Variants in PACRG observed in about 807,000 individuals in gnomAD.
PACRG encodes parkin coregulated.
A neutral mutation model predicts 29.7 loss-of-function variants in PACRG; 29 were observed. The ratio of observed to expected loss-of-function variants is 0.98; its 90% CI spans 0.73 to 1.33. The LOEUF (loss-of-function observed/expected upper bound fraction) is 1.33, where lower values mean the gene tolerates loss of function less well. Among genes scored for constraint, PACRG ranks in the 40% most tolerant of loss-of-function variants. The pLI is 0.00. For synonymous variants in PACRG, 116 were observed against 118.7 expected (o/e 0.98, Z 0.15); for missense variants, 279 against 316.2 (o/e 0.88, Z 0.89).
intron 2 of PACRG, among the ~76,000 whole-genome samples, chr6:163,057,398 T>A (rs1358084937): frequency 6.6e-6 from 1 of 152,148 alleles, no homozygotes; most frequent in East Asian, 1.9e-4. Context: ...ATGGCAAGAA[T>A]AGTGATCAGC....
chr6:162,882,833 G>A (rs1250990666), intron 2 of PACRG, among the ~76,000 whole-genome samples: 4 of 152,236 alleles, frequency 2.6e-5, no homozygotes, highest in East Asian at 1.9e-4. Context: ...GCTCACTCGC[G>A]TCTTCCCCAC....
intron 1 of PACRG, among the ~76,000 whole-genome samples, chr6:162,785,685 T>C (rs1439665878): frequency 6.6e-6 from 1 of 152,224 alleles, no homozygotes; most frequent in Non-Finnish European, 1.5e-5. Flanking sequence ...ATCCCTTGCA[T>C]GTGCAGTTTA....
chr6:162,995,664 C>G (rs530873675), intron 2 of PACRG, among the ~76,000 whole-genome samples: 3 of 152,338 alleles, frequency 2.0e-5, no homozygotes, highest in Admixed American at 2.0e-4. Context: ...GAGATGAACC[C>G]GGTACCTCCG....
At chr6:163,280,936 C>CT (rs1784206076) in intron 4 of PACRG, among the ~76,000 whole-genome samples, 1 of 152,066 alleles carries the variant, frequency 6.6e-6, no homozygotes, top group Non-Finnish European at 1.5e-5. Context: ...CAACTTATGG[C>CT]AGGAAATGAT....
At chr6:163,278,506 T>C (rs1459310618) in intron 4 of PACRG, among the ~76,000 whole-genome samples, 2 of 152,236 alleles carry the variant, frequency 1.3e-5, no homozygotes, top group Non-Finnish European at 2.9e-5. Context: ...GAGTTGATTT[T>C]TGTATAAGGT....
intron 2 of PACRG, among the ~76,000 whole-genome samples, chr6:163,025,714 AC>A (rs1464390626): frequency 6.6e-6 from 1 of 152,248 alleles, no homozygotes; most frequent in Non-Finnish European, 1.5e-5. Context: ...ATGGAAAAGA[AC>A]CAGAAGGTGC....
chr6:163,086,076 C>A (rs1036279048), intron 3 of PACRG, among the ~76,000 whole-genome samples: 3 of 152,220 alleles, frequency 2.0e-5, no homozygotes, highest in Non-Finnish European at 4.4e-5. Context: ...TCTGTGCAGT[C>A]CTGAAGCCTA....
intron 2 of PACRG, among the ~76,000 whole-genome samples, chr6:162,953,319 C>T (rs540502398): frequency 4.8e-4 from 73 of 152,150 alleles, no homozygotes; most frequent in African/African-American, 4.8e-4. Context: ...TTTAACTGAA[C>T]GACAGCTACT....
chr6:163,158,631 A>G (rs1303860381), intron 4 of PACRG, among the ~76,000 whole-genome samples: 1 of 152,236 alleles, frequency 6.6e-6, no homozygotes, highest in Non-Finnish European at 1.5e-5. Flanking sequence ...AAATGAGAAG[A>G]GGTAATAGCA....
chr6:163,269,953 A>AAGAAAGAAAGAAAGAAAACAAAGAAAGAC (rs1783740859), intron 4 of PACRG, among the ~76,000 whole-genome samples: 1 of 66,650 alleles, frequency 1.5e-5, no homozygotes, highest in East Asian at 4.1e-4. Flanking sequence ...GAAAGAAAGA[A>AAGAAAGAAAGAAAGAAAACAAAGAAAGAC]AGAAAGAAAG....
At position 162,992,912 on chromosome 6, in the gene PACRG, G is replaced by A. The variant is rs1262768250; in HGVS notation, c.292-69238G>A. ...AATTTCCCTCTACACACTGCTTTGAGTGCGTCCCAGAGATTCTGGTATGTT... is the reference window on the plus strand; with the variant it reads ...AATTTCCCTCTACACACTGCTTTGAATGCGTCCCAGAGATTCTGGTATGTT... On this transcript the variant is annotated intron_variant, in intron 2 of 4. Transcript: ENST00000366888. 6.6e-5 allele frequency among the ~76,000 whole-genome samples: 10 copies of A among 151,708 alleles called. No homozygotes were observed. The East Asian group carries it at 7.8e-4, about 12-fold the overall frequency.
chr6:162,774,999 C>T (rs952145397), intron 1 of PACRG, among the ~76,000 whole-genome samples: 2 of 152,096 alleles, frequency 1.3e-5, no homozygotes, highest in Non-Finnish European at 2.9e-5. Context: ...TGTTTATGTT[C>T]CCCATCACAA....
chr6:163,163,753 A>G (rs1778670049), intron 4 of PACRG, among the ~76,000 whole-genome samples: 1 of 152,196 alleles, frequency 6.6e-6, no homozygotes, highest in South Asian at 2.1e-4. Flanking sequence ...GAGATTATTA[A>G]GGCAATTTAT....
In PACRG at chr6:163,294,384, A is replaced by G. The variant is rs147562445; in HGVS notation, c.614-20443A>G. 5.9e-5 allele frequency among the ~76,000 whole-genome samples: 9 copies of G among 152,316 alleles called. 1 individual carries two copies. In the South Asian group the frequency reaches 8.3e-4, roughly 14 times the overall value. The stretch of plus-strand genomic sequence containing the variant: ...GACTTAGTGAGGAGGCTACCTGTAA[A>G]CAAATTATTTTCATGGAGAAGCAAG... On this transcript the variant is annotated intron_variant, in intron 4 of 4. Transcript: ENST00000366888.
chr6:162,790,130 A>G (rs2128325117), intron 1 of PACRG, among the ~76,000 whole-genome samples: 1 of 152,364 alleles, frequency 6.6e-6, no homozygotes, highest in African/African-American at 2.4e-5. Context: ...TTTAAAATGT[A>G]AACACTTAGA....
chr6:162,749,169 G>A (rs192172334), intron 1 of PACRG, among the ~76,000 whole-genome samples: 55 of 152,276 alleles, frequency 3.6e-4, no homozygotes, highest in Admixed American at 3.3e-4. Context: ...TTAACCACCT[G>A]CTGTTGACTT....
chr6:163,265,621 A>G (rs1783505504), intron 4 of PACRG, among the ~76,000 whole-genome samples: 1 of 152,202 alleles, frequency 6.6e-6, no homozygotes, highest in South Asian at 2.1e-4. Flanking sequence ...TGTTATTACT[A>G]ACCAAACCAA....
intron 2 of PACRG, among the ~76,000 whole-genome samples, chr6:162,873,474 G>T (rs574792643): frequency 1.4e-4 from 21 of 152,286 alleles, no homozygotes; most frequent in African/African-American, 5.1e-4. Flanking sequence ...TTTTAAAATT[G>T]TTCTTGAAAG....
At chr6:162,835,627 C>T (rs558599045) in intron 2 of PACRG, among the ~76,000 whole-genome samples, 8 of 152,056 alleles carry the variant, frequency 5.3e-5, no homozygotes, top group South Asian at 2.1e-4. Context: ...AATGAAAAAC[C>T]GAAGGGTTTG....
Sources: gnomAD v4.1 joint callset for allele counts (sites outside exome capture counted in the v4.1 genomes callset) on GRCh38, gnomAD v4.1.1 for gene constraint, MANE v1.5 for transcripts, NCBI Gene and HGNC (gene_info 2026-07-23, HGNC 2026-07-21) for gene names.